The following CIITA variants were observed in gnomAD, a reference collection of about 807,000 sequenced individuals.
The protein encoded by CIITA is class II major histocompatibility complex transactivator.
In CIITA, 72 loss-of-function variants were observed where a neutral mutation model predicts 115.1. The observed-to-expected ratio is 0.63, with a 90% CI of 0.52 to 0.76. The LOEUF (loss-of-function observed/expected upper bound fraction) is 0.76, where lower values mean the gene tolerates loss of function less well. CIITA is among the 30% of genes least tolerant of loss of function. The pLI is 0.00. For synonymous variants in CIITA, 763 were observed against 635.6 expected, an observed-to-expected ratio of 1.20 and a Z score of -3.02; for missense variants, 1,617 against 1,463.8, an observed-to-expected ratio of 1.10 and a Z score of -1.71.
At chr16:10,915,261 G>A (rs1055286395) in intron 13 of CIITA, among the ~76,000 whole-genome samples, 25 of 152,070 alleles carry the variant, frequency 1.6e-4, no homozygotes, top group African/African-American at 6.0e-4. Flanking sequence ...TGTTGCCCAA[G>A]CTGGTCTTGA....
intron 1 of CIITA, 132 bp from the exon 2 acceptor site, chr16:10,895,150 G>A: frequency 1.0e-6 from 1 of 996,718 alleles, no homozygotes; most frequent in Non-Finnish European, 1.5e-6. Flanking sequence ...GAGCATATAA[G>A]AGGTGCTGAA....
At chr16:10,890,365 C>T (rs1304272269) in intron 1 of CIITA, among the ~76,000 whole-genome samples, 2 of 151,986 alleles carry the variant, frequency 1.3e-5, no homozygotes, top group East Asian at 3.9e-4. Flanking sequence ...TTCACTGCAG[C>T]CTTGACACCT....
chr16:10,927,765 T>A lies in CIITA; in HGVS notation c.*3910T>A, dbSNP rs2040593039. The A allele has an allele frequency of 2.0e-5, 3 of 152,216 alleles. No individual in the cohort carries two copies. Among genetic ancestry groups the A allele is most frequent in the Non-Finnish European group, 4.4e-5 (3 of 68,042 alleles). The allele number at this position is 152,216 out of a possible 1,614,324, so 9.4% of individuals were successfully genotyped here. On this transcript the variant is annotated 3_prime_UTR_variant, in exon 20 of 20. Coordinates refer to ENST00000324288, the MANE Select transcript of CIITA (RefSeq NM_000246.4). ...TAAATTACTGTCTCCGTGTCACAGA[T>A]CTAAGTGATACTTATAGTCACACTC...
rs760154428 is a variant in CIITA at position 10,877,286 on chromosome 16, G to T, written c.-45G>T. On this transcript the variant is annotated 5_prime_UTR_variant, in exon 1 of 20. Coordinates refer to ENST00000324288, the MANE Select transcript of CIITA (RefSeq NM_000246.4). ...GGGGAAGCTGAGGGCACGAGGAGGGGCTGCCAGACTCCGGGAGCTGCTGCC... is the reference window on the plus strand; with the variant it reads ...GGGGAAGCTGAGGGCACGAGGAGGGTCTGCCAGACTCCGGGAGCTGCTGCC... 1 of 1,593,888 alleles carries T rather than the reference G, an allele frequency of 6.3e-7. No individual in the cohort carries two copies. The highest frequency in any genetic ancestry group is 1.1e-5 in the South Asian group (1 of 89,124).
Position 10,942,195 on chromosome 16 carries a change from C to A in CIITA, n.1321C>A, listed in dbSNP as rs2041111543. 2.5e-5 allele frequency: 11 copies of A among 445,878 alleles called. No homozygotes were observed. In the South Asian group the frequency reaches 5.8e-4, roughly 23 times the overall value. 27.6% of individuals were successfully genotyped at this position (445,878 alleles called of 1,614,324 possible). ...GAAATGCGCCGGGCGGGTCACCGCA[C>A]CCCGAGATGTGCCCCCAAGGATCTC... On this transcript the variant is annotated non_coding_transcript_exon_variant, in exon 2 of 2. Coordinates refer to the CIITA transcript ENST00000573379. The surrounding 1 kb of genome is among the most constrained non-coding windows in gnomAD (Gnocchi z 5.0).
chr16:10,890,585 C>T (rs1357443909), intron 1 of CIITA, among the ~76,000 whole-genome samples: 1 of 152,204 alleles, frequency 6.6e-6, no homozygotes, highest in African/African-American at 2.4e-5. Context: ...CCACCATGCC[C>T]GGCCTATGGG....
upstream of CIITA, among the ~76,000 whole-genome samples, chr16:10,876,973 A>C (rs1220360145): frequency 6.6e-6 from 1 of 152,162 alleles, no homozygotes; most frequent in Admixed American, 6.5e-5. Context: ...CCCCCAACAG[A>C]CTTTCTGTGC....
Position 10,909,033 on chromosome 16 carries a change from G to A in CIITA, c.2662G>A (p.Ala888Thr). 6.2e-7 allele frequency: 1 copy of A among 1,614,154 alleles called. No individual in the cohort carries two copies. Among genetic ancestry groups the A allele is most frequent in the Non-Finnish European group, 8.5e-7 (1 of 1,179,992 alleles). ...TCTGAGGCCCTCCCTCCACAGGGCT[G>A]CCTTGAGCGACACGGTGGCGCTGTG... ...GLSCVTRFRAALSDTVALWES... is the reference protein window; with the variant it reads ...GLSCVTRFRATLSDTVALWES... Residue 888 changes from alanine to threonine, a missense_variant, in exon 12 of 20, where the codon GCC becomes ACC. Ala to Thr is a moderately conservative substitution (Grantham distance 58). Transcript: ENST00000324288.
In CIITA at chr16:10,936,290, G is replaced by A; in HGVS notation, c.*12435G>A. On this transcript the variant is annotated 3_prime_UTR_variant, in exon 20 of 20. Transcript: ENST00000324288. The stretch of plus-strand genomic sequence containing the variant: ...TGTAGATGAGATTGGTCATAGGATT[G>A]TATAGTGTATCAATATTAGATTTGC... 6.6e-6 allele frequency: 1 copy of A among 152,232 alleles called. No individual in the cohort carries two copies. Among genetic ancestry groups the A allele is most frequent in the East Asian group, 1.9e-4 (1 of 5,186 alleles). 9.4% of individuals were successfully genotyped at this position (152,232 alleles called of 1,614,324 possible). A position where few individuals can be genotyped will look rare whatever the true frequency, so the allele number is the denominator to read the frequency against.
intron 8 of CIITA, 64 bp downstream of exon 8, chr16:10,902,865 C>T: frequency 1.3e-6 from 2 of 1,585,114 alleles, no homozygotes; most frequent in Non-Finnish European, 8.6e-7. Flanking sequence ...CTGACCTCAT[C>T]CTCCCCATAC....
rs3087519 is a variant in CIITA at position 10,929,351 on chromosome 16, T to C, written c.*5496T>C. 500,728 of 985,642 alleles carry C rather than the reference T, an allele frequency of 0.51. 130,543 individuals carry two copies. Among genetic ancestry groups the C allele is most frequent in the East Asian group, 0.58 (5,126 of 8,804 alleles). 61.1% of individuals were successfully genotyped at this position (985,642 alleles called of 1,614,324 possible). ...AACTCTGGCTGGGTTCCTGTAAACATCCATCGCAGCTGCAAATAATCAGAA... is the reference window on the plus strand; with the variant it reads ...AACTCTGGCTGGGTTCCTGTAAACACCCATCGCAGCTGCAAATAATCAGAA... On this transcript the variant is annotated 3_prime_UTR_variant, in exon 20 of 20. Coordinates refer to ENST00000324288, the MANE Select transcript of CIITA (RefSeq NM_000246.4). This position sits in a 1 kb window ranked among gnomAD's most constrained non-coding sequence, Gnocchi z 4.3.
intron 1 of CIITA, among the ~76,000 whole-genome samples, chr16:10,867,109 T>C (rs1161661804): frequency 1.3e-5 from 2 of 152,050 alleles, no homozygotes; most frequent in Non-Finnish European, 2.9e-5. Context: ...CCAGACATCC[T>C]GGTGGGTGCC....
intron 1 of CIITA, among the ~76,000 whole-genome samples, chr16:10,886,492 A>C (rs983392504): frequency 2.0e-5 from 3 of 152,084 alleles, no homozygotes; most frequent in Admixed American, 2.0e-4. Context: ...GGATATATAG[A>C]CCCAAGAGCT....
intron 3 of CIITA, 100 bp from the exon 4 acceptor site, chr16:10,898,570 C>A (rs2038374562): frequency 4.7e-6 from 4 of 855,636 alleles, no homozygotes; most frequent in Non-Finnish European, 7.3e-6. Flanking sequence ...TGAGTCCCCA[C>A]TGTGTGCCAG....
intron 13 of CIITA, among the ~76,000 whole-genome samples, chr16:10,915,329 C>T (rs375598172): frequency 3.9e-5 from 6 of 152,252 alleles, no homozygotes; most frequent in South Asian, 4.1e-4. Context: ...GAATTACAGA[C>T]ATGAGCCACT....
At chr16:10,897,855 A>C (rs1055747934) in intron 3 of CIITA, among the ~76,000 whole-genome samples, 1 of 152,046 alleles carries the variant, frequency 6.6e-6, no homozygotes, top group East Asian at 1.9e-4. Flanking sequence ...CCATCATTCC[A>C]TTCCTCAGCT....
In CIITA at chr16:10,923,313, T is replaced by C. The variant is rs779093156; in HGVS notation, c.*10T>C. Reference sequence around the variant, plus strand: ...GATCAGCCTGAGATGATCCCAGCTGTGCTCTGGACAGGGTAACCAGGGTGG... The same window carrying C: ...GATCAGCCTGAGATGATCCCAGCTGCGCTCTGGACAGGGTAACCAGGGTGG... On this transcript the variant is annotated 3_prime_UTR_variant, in exon 19 of 20. Coordinates refer to ENST00000324288, the MANE Select transcript of CIITA (RefSeq NM_000246.4). The surrounding 1 kb of genome is among the most constrained non-coding windows in gnomAD (Gnocchi z 5.2). 4.7e-6 allele frequency: 6 copies of C among 1,289,174 alleles called. No individual in the cohort carries two copies. Among genetic ancestry groups the C allele is most frequent in the Middle Eastern group, 2.0e-4 (1 of 5,054 alleles). 79.9% of individuals were successfully genotyped at this position (1,289,174 alleles called of 1,614,324 possible).
rs757431582 is a variant in CIITA at position 10,906,611 on chromosome 16, CAGCAGCAAG to C, written c.1123_1131del (p.Ser375_Ser377del). On this transcript the variant is annotated inframe_deletion, in exon 11 of 20. Transcript: ENST00000324288. Reference sequence around the variant, plus strand: ...TGGTGCAGGCCAGGCTGGAGAGGAGCAGCAGCAAGAGCCTGGAGCGGGAACTGGCCACCC... The same window carrying C: ...TGGTGCAGGCCAGGCTGGAGAGGAGCAGCCTGGAGCGGGAACTGGCCACCC... 6.2e-7 allele frequency: 1 copy of C among 1,613,840 alleles called. No homozygotes were observed. Among genetic ancestry groups the C allele is most frequent in the South Asian group, 1.1e-5 (1 of 91,074 alleles).
chr16:10,942,148 T>C lies in CIITA; in HGVS notation n.1274T>C. 1.6e-6 allele frequency: 1 copy of C among 613,176 alleles called. No individual in the cohort carries two copies. Among genetic ancestry groups the C allele is most frequent in the Non-Finnish European group, 2.5e-6 (1 of 406,566 alleles). The allele number at this position is 613,176 out of a possible 1,614,324, so 38.0% of individuals were successfully genotyped here. ...GCAGGGCCGGGCTCCAGATGTCCCC[T>C]GGCAATTGCGCCCCGACCCCCGAAA... On this transcript the variant is annotated non_coding_transcript_exon_variant, in exon 2 of 2. Coordinates refer to the CIITA transcript ENST00000573379. This position sits in a 1 kb window ranked among gnomAD's most constrained non-coding sequence, Gnocchi z 5.0.
Sources: gnomAD v4.1 joint callset for allele counts (sites outside exome capture counted in the v4.1 genomes callset) on GRCh38, gnomAD v4.1.1 for gene constraint, Gnocchi (gnomAD v3.1) non-coding constraint, MANE v1.5 for transcripts, NCBI Gene and HGNC (gene_info 2026-07-23, HGNC 2026-07-21) for gene names.